MFSD11: variants seen among roughly 807,000 people sequenced by gnomAD.
The protein encoded by MFSD11 is UNC93-like protein MFSD11.
In MFSD11, 36 loss-of-function variants were observed where a neutral mutation model predicts 53.5. The ratio of observed to expected loss-of-function variants is 0.67; its 90% CI spans 0.52 to 0.89. The LOEUF (loss-of-function observed/expected upper bound fraction) is 0.89, where lower values mean the gene tolerates loss of function less well. Ranked by LOEUF, MFSD11 falls within the 40% of genes least tolerant of loss-of-function variation. MFSD11 has a pLI of 0.00. For synonymous variants in MFSD11, 186 were observed against 184.9 expected, an observed-to-expected ratio of 1.01 and a Z score of -0.05; for missense variants, 530 against 543.9, an observed-to-expected ratio of 0.97 and a Z score of 0.25.
At chr17:76,761,927 A>G (rs1190356453) in intron 8 of MFSD11, among the ~76,000 whole-genome samples, 3 of 152,132 alleles carry the variant, frequency 2.0e-5, no homozygotes, top group Non-Finnish European at 4.4e-5. Context: ...TCTCAAAAAA[A>G]AAAAAAAAAT....
At chr17:76,767,079 C>T (rs1215714570) in intron 8 of MFSD11, 4 of 256,810 alleles carry the variant, frequency 1.6e-5, no homozygotes, top group Non-Finnish European at 3.0e-5. Flanking sequence ...GTTAATCATG[C>T]CTTTTGAAGT....
chr17:76,736,640 G>C, upstream of MFSD11: 1 of 1,166,488 alleles, frequency 8.6e-7, no homozygotes, highest in East Asian at 3.2e-5. Flanking sequence ...GGTCGCAGAC[G>C]GCGGAAGCTC....
chr17:76,793,492 A>G, the MFSD11 span, among the ~76,000 whole-genome samples: 12 of 151,524 alleles, frequency 7.9e-5, no homozygotes, highest in Admixed American at 7.2e-4. Flanking sequence ...TTCTTTTTTC[A>G]AGGTGCCCAG....
chr17:76,785,431 G>T (rs899642232), downstream of MFSD11, among the ~76,000 whole-genome samples: 2 of 152,102 alleles, frequency 1.3e-5, no homozygotes, highest in African/African-American at 2.4e-5. Context: ...CCAACTCCTG[G>T]CCTCAAGCGG....
upstream of MFSD11, chr17:76,737,268 G>C (rs539068654): frequency 2.8e-6 from 4 of 1,407,812 alleles, no homozygotes; most frequent in South Asian, 4.4e-5. Context: ...GGGGACACTG[G>C]GAAAGGCCTT....
At position 76,763,560 on chromosome 17, in the gene MFSD11, G is replaced by A. The variant is rs116509032; in HGVS notation, c.683-3826G>A. Among the ~76,000 whole-genome samples the A allele has an allele frequency of 6.9e-3, 1,051 of 152,022 alleles. 17 individuals are homozygous for A. The highest frequency in any genetic ancestry group is 0.024 in the African/African-American group (1,000 of 41,470). ...ATTACAGGCGTGAGCCACCGTGCCCGGCCCTAGTTAGATCCTTTGCCCATT... is the reference window on the plus strand; with the variant it reads ...ATTACAGGCGTGAGCCACCGTGCCCAGCCCTAGTTAGATCCTTTGCCCATT... On this transcript the variant is annotated intron_variant, in intron 8 of 12. Transcript: ENST00000685175.
chr17:76,800,928 T>C, the MFSD11 span, among the ~76,000 whole-genome samples: 293 of 151,698 alleles, frequency 1.9e-3, 1 homozygote, highest in Non-Finnish European at 3.0e-3. Flanking sequence ...AATATAAAAA[T>C]CAGCTGGGCG....
intron 8 of MFSD11, among the ~76,000 whole-genome samples, chr17:76,764,561 C>T (rs1210769734): frequency 2.0e-5 from 3 of 152,358 alleles, no homozygotes; most frequent in Middle Eastern, 3.4e-3. Flanking sequence ...GGTTCATCCA[C>T]GTTGCCCTAA....
the MFSD11 span, among the ~76,000 whole-genome samples, chr17:76,797,425 A>T: frequency 6.6e-6 from 1 of 152,176 alleles, no homozygotes; most frequent in Non-Finnish European, 1.5e-5. Flanking sequence ...GTAAACTGTC[A>T]CGGCTCTAGT....
Position 76,768,350 on chromosome 17 carries a change from G to A in MFSD11, c.748+899G>A, listed in dbSNP as rs545484306. 2.0e-5 allele frequency among the ~76,000 whole-genome samples: 3 copies of A among 150,546 alleles called. No individual in the cohort carries two copies. The East Asian group carries it at 5.9e-4, about 29-fold the overall frequency. ...GTCATTTCTAATGAAATAGAAGCAT[G>A]TCATAATGTGGTATGATAGCAGGCG... On this transcript the variant is annotated intron_variant, in intron 9 of 12. Coordinates refer to ENST00000685175, the MANE Select transcript of MFSD11 (RefSeq NM_001242532.5).
chr17:76,802,839 A>G, the MFSD11 span, among the ~76,000 whole-genome samples: 5 of 152,146 alleles, frequency 3.3e-5, no homozygotes, highest in Non-Finnish European at 7.3e-5. Flanking sequence ...ACCTACCCCC[A>G]TTACACCCAT....
chr17:76,762,784 AGAAAG>A (rs2080407858), intron 8 of MFSD11, among the ~76,000 whole-genome samples: 1 of 152,146 alleles, frequency 6.6e-6, no homozygotes, highest in Admixed American at 6.5e-5. Flanking sequence ...CTTCCCGAGT[AGAAAG>A]CAATTAAGCA....
At chr17:76,756,952 C>G (rs1289906378) in intron 8 of MFSD11, among the ~76,000 whole-genome samples, 2 of 152,064 alleles carry the variant, frequency 1.3e-5, no homozygotes, top group Non-Finnish European at 2.9e-5. Context: ...GCAATTTAAC[C>G]ATTTTTGATG....
In MFSD11 at chr17:76,739,274, G is replaced by A. The variant is rs1363284400; in HGVS notation, c.152+281G>A. Among the ~76,000 whole-genome samples the A allele has an allele frequency of 1.6e-4, 4 of 24,822 alleles. 1 individual carries two copies. The highest frequency in any genetic ancestry group is 1.8e-4 in the African/African-American group (4 of 22,374). 16.3% of individuals were successfully genotyped at this position (24,822 alleles called of 152,430 possible). On this transcript the variant is annotated intron_variant, in intron 2 of 12. Coordinates refer to ENST00000685175, the MANE Select transcript of MFSD11 (RefSeq NM_001242532.5). ...TAATTTCCTAGTTCAGACAATGCAT[G>A]TAAAGCACTTGGCACAGTGCATGGC...
At chr17:76,755,777 T>C (rs1863838644) in intron 8 of MFSD11, among the ~76,000 whole-genome samples, 2 of 91,282 alleles carry the variant, frequency 2.2e-5, no homozygotes, top group African/African-American at 6.9e-5. Context: ...TACGTGTGTG[T>C]GTGTGTGTGT....
At chr17:76,798,785 T>C in the MFSD11 span, among the ~76,000 whole-genome samples, 1 of 151,944 alleles carries the variant, frequency 6.6e-6, no homozygotes, top group Non-Finnish European at 1.5e-5. Context: ...CCCAACACTT[T>C]GGGAGGCTGA....
chr17:76,792,963 T>A, the MFSD11 span, among the ~76,000 whole-genome samples: 1 of 151,436 alleles, frequency 6.6e-6, no homozygotes, highest in Non-Finnish European at 1.5e-5. Flanking sequence ...CAAGTTTTTA[T>A]TAGTGATTTT....
At chr17:76,768,702 G>T (rs552678735) in intron 9 of MFSD11, among the ~76,000 whole-genome samples, 1 of 151,936 alleles carries the variant, frequency 6.6e-6, no homozygotes, top group African/African-American at 2.4e-5. Flanking sequence ...AATTGAATAG[G>T]GGCTGGGCAC....
At chr17:76,801,179 G>A in the MFSD11 span, among the ~76,000 whole-genome samples, 1 of 151,722 alleles carries the variant, frequency 6.6e-6, no homozygotes, top group African/African-American at 2.4e-5. Context: ...ATCACTTGAG[G>A]CCCGGAGTTC....
Sources: gnomAD v4.1 joint callset for allele counts (sites outside exome capture counted in the v4.1 genomes callset) on GRCh38, gnomAD v4.1.1 for gene constraint, MANE v1.5 for transcripts, NCBI Gene and HGNC (gene_info 2026-07-23, HGNC 2026-07-21) for gene names.